Variants in RNF180 observed in about 807,000 individuals in gnomAD.
RNF180 encodes E3 ubiquitin-protein ligase RNF180.
A neutral mutation model predicts 59.2 loss-of-function variants in RNF180; 38 were observed. The observed-to-expected ratio is 0.64, with a 90% CI of 0.50 to 0.84. RNF180 has a LOEUF of 0.84. Among genes scored for constraint, RNF180 ranks in the 40% least tolerant of loss-of-function variants. RNF180 has a pLI of 0.00. For missense variants in RNF180, 705 were observed against 700.9 expected (o/e 1.01, Z -0.07); for synonymous variants, 262 against 240.3 (o/e 1.09, Z -0.84).
intron 7 of RNF180, among the ~76,000 whole-genome samples, chr5:64,335,424 T>C (rs1745081820): frequency 6.6e-6 from 1 of 152,096 alleles, no homozygotes; most frequent in African/African-American, 2.4e-5. Flanking sequence ...TTTCAAATAA[T>C]TTGAAAGATC....
rs1267304485 is a variant in RNF180, at chr5:64,369,959, T to C, written c.*145T>C. On this transcript the variant is annotated 3_prime_UTR_variant, in exon 8 of 8. Transcript: ENST00000389100. ...ATAGAAAGCCTGAGAATAATGAATT[T>C]ATTTATTAATGTTTTTCATGTAACA... 1.9e-6 allele frequency: 1 copy of C among 517,098 alleles called. No homozygotes were observed. The highest frequency in any genetic ancestry group is 3.3e-6 in the Non-Finnish European group (1 of 301,554). 32.0% of individuals were successfully genotyped at this position (517,098 alleles called of 1,614,324 possible).
chr5:64,290,554 G>A (rs1245295047), intron 5 of RNF180, among the ~76,000 whole-genome samples: 2 of 152,172 alleles, frequency 1.3e-5, no homozygotes, highest in Non-Finnish European at 2.9e-5. Flanking sequence ...ATAAATCTCA[G>A]TGTTCCTTTA....
At chr5:64,317,559 TACAC>T (rs151300505) in intron 5 of RNF180, among the ~76,000 whole-genome samples, 9 of 128,002 alleles carry the variant, frequency 7.0e-5, no homozygotes, top group Non-Finnish European at 1.5e-4. Context: ...TATACATATA[TACAC>T]ATACATATAT....
intron 5 of RNF180, among the ~76,000 whole-genome samples, chr5:64,219,576 G>A (rs545076953): frequency 4.3e-4 from 65 of 151,828 alleles, no homozygotes; most frequent in African/African-American, 1.4e-3. Flanking sequence ...GTGCAGTGGC[G>A]CGATCTCAGC....
At chr5:64,296,070 T>A (rs1334886982) in intron 5 of RNF180, among the ~76,000 whole-genome samples, 1 of 152,166 alleles carries the variant, frequency 6.6e-6, no homozygotes, top group Non-Finnish European at 1.5e-5. Flanking sequence ...AGGTTTAGAT[T>A]TAAAGACCTT....
intron 7 of RNF180, among the ~76,000 whole-genome samples, chr5:64,341,417 G>T (rs1745349022): frequency 6.6e-6 from 1 of 152,084 alleles, no homozygotes; most frequent in Non-Finnish European, 1.5e-5. Flanking sequence ...AACTCAAACT[G>T]GACTGTTGAT....
chr5:64,226,079 G>A (rs1394715558), intron 5 of RNF180, among the ~76,000 whole-genome samples: 62 of 151,772 alleles, frequency 4.1e-4, no homozygotes, highest in Admixed American at 1.6e-3. Flanking sequence ...GGGAAGTGAG[G>A]AGCGCCTCTG....
intron 3 of RNF180, among the ~76,000 whole-genome samples, chr5:64,212,701 A>G (rs1436379110): frequency 6.6e-6 from 1 of 152,182 alleles, no homozygotes; most frequent in African/African-American, 2.4e-5. Flanking sequence ...TGAAAATTCT[A>G]CACTTTAAAG....
chr5:64,314,696 GAGA>G (rs1743950319), intron 5 of RNF180, among the ~76,000 whole-genome samples: 1 of 152,022 alleles, frequency 6.6e-6, no homozygotes. Flanking sequence ...ATAACTACTC[GAGA>G]AGAATGCCAT....
chr5:64,224,104 T>TGTAC (rs1554033346), intron 5 of RNF180, among the ~76,000 whole-genome samples: 1 of 149,472 alleles, frequency 6.7e-6, no homozygotes, highest in African/African-American at 2.5e-5. Flanking sequence ...TGTGTGTGTG[T>TGTAC]ACATACATAT....
rs578100608 is a variant in RNF180, at chr5:64,225,669, G to A, written c.1227+8273G>A. 1.1e-3 allele frequency among the ~76,000 whole-genome samples: 150 copies of A among 132,888 alleles called. 1 individual carries two copies. Among genetic ancestry groups the A allele is most frequent in the African/African-American group, 4.0e-3 (139 of 34,620 alleles). 87.2% of individuals were successfully genotyped at this position (132,888 alleles called of 152,430 possible). On this transcript the variant is annotated intron_variant, in intron 5 of 7. Transcript: ENST00000389100. ...TGGGAAGTGAGGAGCGCCTCTGCCC[G>A]GCTGCCCCGTCTGGGAAGTGAGGAG...
At chr5:64,319,662 A>G (rs915175823) in intron 5 of RNF180, among the ~76,000 whole-genome samples, 1 of 152,202 alleles carries the variant, frequency 6.6e-6, no homozygotes, top group Non-Finnish European at 1.5e-5. Context: ...TAAGTACATC[A>G]TGTACCCTGT....
chr5:64,184,288 C>T (rs894590097), intron 1 of RNF180, among the ~76,000 whole-genome samples: 6 of 152,104 alleles, frequency 3.9e-5, no homozygotes, highest in African/African-American at 1.4e-4. Context: ...AAACTCATAC[C>T]GTTGTCCTGT....
At chr5:64,285,687 C>T (rs1488996922) in intron 5 of RNF180, among the ~76,000 whole-genome samples, 1 of 152,098 alleles carries the variant, frequency 6.6e-6, no homozygotes, top group African/African-American at 2.4e-5. Context: ...CCCACACAGG[C>T]CAGGAGATAG....
chr5:64,170,240 G>C (rs185147260), intron 1 of RNF180, among the ~76,000 whole-genome samples: 1 of 152,220 alleles, frequency 6.6e-6, no homozygotes, highest in East Asian at 1.9e-4. Context: ...AAACTAATAT[G>C]TTTGCACTAA....
chr5:64,301,611 A>G (rs753714152), intron 5 of RNF180, among the ~76,000 whole-genome samples: 4 of 151,792 alleles, frequency 2.6e-5, no homozygotes, highest in Non-Finnish European at 5.9e-5. Flanking sequence ...AGCAGTGAGT[A>G]TGATGGCTTT....
At chr5:64,168,975 A>G (rs1749794715) in intron 1 of RNF180, among the ~76,000 whole-genome samples, 1 of 152,196 alleles carries the variant, frequency 6.6e-6, no homozygotes, top group Admixed American at 6.5e-5. Context: ...GAAACAGAGT[A>G]TTTTTAAAAG....
intron 1 of RNF180, among the ~76,000 whole-genome samples, chr5:64,188,095 C>T (rs148667093): frequency 2.0e-5 from 3 of 152,144 alleles, no homozygotes; most frequent in Non-Finnish European, 4.4e-5. Flanking sequence ...ATTAGTTTTA[C>T]AAAATAATTA....
intron 5 of RNF180, among the ~76,000 whole-genome samples, chr5:64,280,099 A>C (rs1396426241): frequency 6.6e-6 from 1 of 152,150 alleles, no homozygotes; most frequent in Admixed American, 6.6e-5. Flanking sequence ...TTTTTTTCAT[A>C]TGCTAGTTGG....
Sources: allele counts gnomAD v4.1 joint callset (sites outside exome capture counted in the v4.1 genomes callset), GRCh38; gene constraint gnomAD v4.1.1; transcripts MANE v1.5; gene names NCBI Gene and HGNC (gene_info 2026-07-23, HGNC 2026-07-21).